OPA3: variants seen among roughly 807,000 people sequenced by gnomAD.
OPA3 encodes the protein outer mitochondrial membrane lipid metabolism regulator OPA3.
Under a neutral mutation model 4.0 loss-of-function variants are expected in OPA3, and 6 were observed. The ratio of observed to expected loss-of-function variants is 1.51; its 90% CI spans 0.83 to 2.99. The LOEUF (loss-of-function observed/expected upper bound fraction) is 2.99, where lower values mean the gene tolerates loss of function less well. Ranked by LOEUF, OPA3 falls within the 30% of genes most tolerant of loss-of-function variation. The probability of loss-of-function intolerance (pLI) is 0.00; values close to 1 mark genes in which losing one functional copy is unlikely to be tolerated. For synonymous variants in OPA3, 105 were observed against 117.1 expected (o/e 0.90, Z 0.67); for missense variants, 235 against 256.2 (o/e 0.92, Z 0.56).
chr19:45,534,535 T>C (rs1449765240), intron 1 of OPA3, among the ~76,000 whole-genome samples: 3 of 111,768 alleles, frequency 2.7e-5, no homozygotes, highest in African/African-American at 1.1e-4. Flanking sequence ...CACTCCAGCC[T>C]GGTGACAAGA....
intron 1 of OPA3, among the ~76,000 whole-genome samples, chr19:45,568,769 C>T (rs1969619341): frequency 6.6e-6 from 1 of 152,078 alleles, no homozygotes; most frequent in African/African-American, 2.4e-5. Context: ...CACTGCTTTC[C>T]CTGGGCCACA....
intron 1 of OPA3, among the ~76,000 whole-genome samples, chr19:45,554,922 C>T (rs2122443942): frequency 6.6e-6 from 1 of 152,306 alleles, no homozygotes; most frequent in Admixed American, 6.5e-5. Flanking sequence ...TCCTGAGTAG[C>T]TGGGACTACA....
At position 45,549,052 on chromosome 19, in the gene OPA3, A is replaced by C. The variant is rs1969293803; in HGVS notation, c.*4462T>G. On this transcript the variant is annotated 3_prime_UTR_variant, in exon 2 of 2. Transcript: ENST00000263275. ...ACTCCTGACCTCAGGTGATCCACCCACCCTGGCCTCCCAAAGTGCTAGGAT... is the reference window on the plus strand; with the variant it reads ...ACTCCTGACCTCAGGTGATCCACCCCCCCTGGCCTCCCAAAGTGCTAGGAT... 2.2e-6 allele frequency: 2 copies of C among 901,212 alleles called. No individual in the cohort carries two copies. The highest frequency in any genetic ancestry group is 2.4e-4 in the East Asian group (2 of 8,406). 55.8% of individuals were successfully genotyped at this position (901,212 alleles called of 1,614,324 possible). A position where few individuals can be genotyped will look rare whatever the true frequency, so the allele number is the denominator to read the frequency against.
At position 45,553,324 on chromosome 19, in the gene OPA3, G is replaced by T; in HGVS notation, c.*190C>A. 2 of 1,470,512 alleles carry T rather than the reference G, an allele frequency of 1.4e-6. No homozygotes were observed. Among genetic ancestry groups the T allele is most frequent in the Non-Finnish European group, 1.8e-6 (2 of 1,113,320 alleles). 91.1% of individuals were successfully genotyped at this position (1,470,512 alleles called of 1,614,324 possible). On this transcript the variant is annotated 3_prime_UTR_variant, in exon 2 of 2. Transcript: ENST00000263275. ...GGTGAAGGATGATGGAGGGGGCTAT[G>T]TTGCAACGCTTCACCTGCTGGTCCC... is the stretch of plus-strand genomic sequence containing the variant.
rs193301225 is a variant in OPA3, at chr19:45,530,907, G to A, written c.143-1451C>T. ...CTCCCAAGTAGCTTGGTTCAATGGC[G>A]TGTGCCACCATGTCACCTACTTTTT... On this transcript the variant is annotated intron_variant, in intron 1 of 1. Coordinates refer to the OPA3 transcript ENST00000323060. Among the ~76,000 whole-genome samples the A allele has an allele frequency of 3.0e-3, 417 of 141,098 alleles. 2 individuals are homozygous for A. The highest frequency in any genetic ancestry group is 5.7e-3 in the Admixed American group (79 of 13,754). 92.6% of individuals were successfully genotyped at this position (141,098 alleles called of 152,430 possible).
chr19:45,537,902 G>A (rs1409134728), intron 1 of OPA3, among the ~76,000 whole-genome samples: 1 of 152,026 alleles, frequency 6.6e-6, no homozygotes, highest in Non-Finnish European at 1.5e-5. Context: ...ATTGTTTTCT[G>A]TATGTCTGCA....
chr19:45,529,055 C>T (rs1401029164), exon 2 of OPA3: 6 of 1,599,640 alleles, frequency 3.8e-6, no homozygotes, highest in Admixed American at 1.7e-5. Context: ...CCCGAGACCT[C>T]CTATTTCTCG....
intron 1 of OPA3, among the ~76,000 whole-genome samples, chr19:45,572,538 T>C (rs1263129931): frequency 7.5e-6 from 1 of 134,002 alleles, no homozygotes; most frequent in Non-Finnish European, 1.6e-5. Context: ...ATATATATCA[T>C]ATGATATATA....
chr19:45,536,275 G>T (rs899447887), intron 1 of OPA3, among the ~76,000 whole-genome samples: 1 of 151,048 alleles, frequency 6.6e-6, no homozygotes, highest in African/African-American at 2.4e-5. Context: ...CGGGCACGGT[G>T]GCTCATGCCT....
chr19:45,537,421 A>G (rs1444594527), intron 1 of OPA3, among the ~76,000 whole-genome samples: 1 of 146,634 alleles, frequency 6.8e-6, no homozygotes, highest in Non-Finnish European at 1.5e-5. Flanking sequence ...AAAAAAAAAA[A>G]ACAAGAAAAG....
intron 1 of OPA3, among the ~76,000 whole-genome samples, chr19:45,575,858 G>A (rs1004380370): frequency 3.9e-5 from 6 of 152,054 alleles, no homozygotes; most frequent in Non-Finnish European, 7.4e-5. Context: ...CTCCTGCCTC[G>A]ACCTTCTAAA....
At chr19:45,570,073 A>C (rs1969638891) in intron 1 of OPA3, among the ~76,000 whole-genome samples, 2 of 152,188 alleles carry the variant, frequency 1.3e-5, no homozygotes, top group African/African-American at 4.8e-5. Flanking sequence ...CGCCATCCCC[A>C]GGCTGACACG....
chr19:45,554,478 G>A (rs765279234), intron 1 of OPA3, among the ~76,000 whole-genome samples: 2 of 152,152 alleles, frequency 1.3e-5, no homozygotes, highest in Non-Finnish European at 2.9e-5. Flanking sequence ...TAAGAGCTGC[G>A]AGCTCTTCAC....
intron 1 of OPA3, among the ~76,000 whole-genome samples, chr19:45,574,399 A>AAG (rs1969736489): frequency 6.7e-6 from 1 of 150,068 alleles, no homozygotes; most frequent in Non-Finnish European, 1.5e-5. Context: ...TCTGTCTCAA[A>AAG]AAAAAAAAAA....
At chr19:45,579,777 C>T (rs1387135272) in intron 1 of OPA3, among the ~76,000 whole-genome samples, 1 of 152,024 alleles carries the variant, frequency 6.6e-6, no homozygotes, top group Non-Finnish European at 1.5e-5. Context: ...TCTACCTCAT[C>T]ATAACTGGTG....
At chr19:45,541,260 G>A (rs1398762645) in intron 1 of OPA3, among the ~76,000 whole-genome samples, 1 of 152,144 alleles carries the variant, frequency 6.6e-6, no homozygotes, top group East Asian at 1.9e-4. Flanking sequence ...CAGGAGGTGA[G>A]GGCAGGGGGT....
At chr19:45,537,627 C>A (rs1281404166) in intron 1 of OPA3, among the ~76,000 whole-genome samples, 1 of 151,416 alleles carries the variant, frequency 6.6e-6, no homozygotes, top group Non-Finnish European at 1.5e-5. Flanking sequence ...GTATCTTTTT[C>A]TTTTCTTTTA....
downstream of OPA3, among the ~76,000 whole-genome samples, chr19:45,543,921 T>C (rs2122403255): frequency 6.6e-6 from 1 of 152,344 alleles, no homozygotes; most frequent in South Asian, 2.1e-4. Context: ...ATCCTTCCAG[T>C]AAGTTCTTTT....
chr19:45,560,142 G>A (rs756993859), intron 1 of OPA3, among the ~76,000 whole-genome samples: 4 of 152,010 alleles, frequency 2.6e-5, no homozygotes, highest in African/African-American at 4.8e-5. Context: ...ACATAGAATC[G>A]TTTTCCGTCT....
Sources: allele counts gnomAD v4.1 joint callset (sites outside exome capture counted in the v4.1 genomes callset), GRCh38; gene constraint gnomAD v4.1.1; transcripts MANE v1.5; gene names NCBI Gene and HGNC (gene_info 2026-07-23, HGNC 2026-07-21).